NSMAF: variants seen among roughly 807,000 people sequenced by gnomAD.
NSMAF encodes protein FAN.
Under a neutral mutation model 134.9 loss-of-function variants are expected in NSMAF, and 90 were observed. The ratio of observed to expected loss-of-function variants is 0.67; its 90% confidence interval spans 0.56 to 0.79. NSMAF has a LOEUF of 0.79. Ranked by LOEUF, NSMAF falls within the 30% of genes least tolerant of loss-of-function variation. The probability of loss-of-function intolerance (pLI) is 0.00; values close to 1 mark genes in which losing one functional copy is unlikely to be tolerated. For synonymous variants in NSMAF, 358 were observed against 389.6 expected (o/e 0.92, Z 0.96); for missense variants, 1,010 against 1,119.0 (o/e 0.90, Z 1.39).
intron 1 of NSMAF, among the ~76,000 whole-genome samples, chr8:58,652,077 A>T (rs1359429101): frequency 6.6e-6 from 1 of 152,192 alleles, no homozygotes; most frequent in East Asian, 1.9e-4. Context: ...TGGATCAGAG[A>T]ACATTTGTTC....
intron 1 of NSMAF, among the ~76,000 whole-genome samples, chr8:58,658,790 C>T (rs1412574760): frequency 2.6e-5 from 4 of 152,164 alleles, no homozygotes. Flanking sequence ...GGGACAGGTC[C>T]AGCATATCTG....
At chr8:58,633,672 T>A (rs968300011) in intron 5 of NSMAF, among the ~76,000 whole-genome samples, 1 of 152,198 alleles carries the variant, frequency 6.6e-6, no homozygotes, top group Non-Finnish European at 1.5e-5. Context: ...GTTATTCATA[T>A]AAACATGCAC....
At chr8:58,642,004 G>C (rs1225601729) in intron 2 of NSMAF, among the ~76,000 whole-genome samples, 2 of 152,192 alleles carry the variant, frequency 1.3e-5, no homozygotes, top group Admixed American at 6.5e-5. Flanking sequence ...TTAGGGAAAA[G>C]AATATGAGCA....
chr8:58,651,983 C>T (rs150322945), intron 1 of NSMAF, among the ~76,000 whole-genome samples: 3 of 152,230 alleles, frequency 2.0e-5, no homozygotes, highest in Non-Finnish European at 2.9e-5. Flanking sequence ...TTCAAGGATA[C>T]CATAAAAATA....
At chr8:58,615,362 T>A (rs1186740251) in intron 9 of NSMAF, among the ~76,000 whole-genome samples, 1 of 152,204 alleles carries the variant, frequency 6.6e-6, no homozygotes, top group Admixed American at 6.5e-5. Flanking sequence ...GGAATACTAT[T>A]TTCAACAGCT....
At chr8:58,659,118 C>A in intron 1 of NSMAF, 1 of 1,256,188 alleles carries the variant, frequency 8.0e-7, no homozygotes, top group Non-Finnish European at 1.0e-6. Flanking sequence ...ACCAACTCTG[C>A]GGCGCCGGCG....
intron 11 of NSMAF, 31 bp from the exon 12 acceptor site, chr8:58,606,066 AATAGC>A: frequency 6.6e-7 from 1 of 1,507,808 alleles, no homozygotes; most frequent in Non-Finnish European, 8.9e-7. Context: ...TAATAAAATA[AATAGC>A]ATTGTATTCA....
At chr8:58,648,425 C>T (rs781297706) in intron 1 of NSMAF, among the ~76,000 whole-genome samples, 6 of 152,206 alleles carry the variant, frequency 3.9e-5, no homozygotes, top group Non-Finnish European at 5.9e-5. Context: ...GAGAGGAATT[C>T]AAGCCGGCTA....
At chr8:58,590,834 A>C (rs1806004921) in intron 24 of NSMAF, 33 bp downstream of exon 24, 1 of 1,533,586 alleles carries the variant, frequency 6.5e-7, no homozygotes, top group African/African-American at 1.4e-5. Flanking sequence ...TACTACACGG[A>C]TTTCTATCAT....
At chr8:58,607,023 G>C (rs1237462437) in intron 11 of NSMAF, among the ~76,000 whole-genome samples, 2 of 152,150 alleles carry the variant, frequency 1.3e-5, no homozygotes, top group East Asian at 1.9e-4. Context: ...TGGAGGAATG[G>C]CCTTTTAAGT....
intron 6 of NSMAF, among the ~76,000 whole-genome samples, chr8:58,624,016 C>T (rs535720533): frequency 6.7e-6 from 1 of 149,382 alleles, no homozygotes; most frequent in South Asian, 2.1e-4. Flanking sequence ...GTTCCAAACC[C>T]TTAAGGTATA....
Position 58,591,776 on chromosome 8 carries a change from T to C in NSMAF, c.1952-842A>G, listed in dbSNP as rs72647444. Among the ~76,000 whole-genome samples the C allele has an allele frequency of 5.6e-3, 854 of 152,158 alleles. 10 individuals are homozygous for C. The highest frequency in any genetic ancestry group is 9.8e-3 in the Non-Finnish European group (669 of 68,002). On this transcript the variant is annotated intron_variant, in intron 23 of 30. Coordinates refer to ENST00000038176, the MANE Select transcript of NSMAF (RefSeq NM_003580.4). ...TACTGGGATTACAGGTGTGAGTAACTGTGCCCGGCCTCAAAACAACCTCTT... is the reference window on the plus strand; with the variant it reads ...TACTGGGATTACAGGTGTGAGTAACCGTGCCCGGCCTCAAAACAACCTCTT...
rs139596316 is a variant in NSMAF at position 58,637,102 on chromosome 8, C to T, written c.150-1556G>A. On this transcript the variant is annotated intron_variant, in intron 2 of 30. Coordinates refer to ENST00000038176, the MANE Select transcript of NSMAF (RefSeq NM_003580.4). ...CTCATGAATTTTAACATTTATGAAA[C>T]ATTTCAATCCATTGCAGAAGTTATT... 973 of 295,876 alleles carry T rather than the reference C, an allele frequency of 3.3e-3. 7 individuals are homozygous for T. Among genetic ancestry groups the T allele is most frequent in the African/African-American group, 0.02 (906 of 46,164 alleles). 18.3% of individuals were successfully genotyped at this position (295,876 alleles called of 1,614,324 possible). A position where few individuals can be genotyped will look rare whatever the true frequency, so the allele number is the denominator to read the frequency against.
At chr8:58,618,547 G>C (rs185191059) in intron 9 of NSMAF, among the ~76,000 whole-genome samples, 71 of 151,688 alleles carry the variant, frequency 4.7e-4, no homozygotes, top group Non-Finnish European at 6.9e-4. Flanking sequence ...AGTTTCAGAT[G>C]GTTCAGAAAA....
At position 58,635,307 on chromosome 8, in the gene NSMAF, T is replaced by A. The variant is rs139863054; in HGVS notation, c.294A>T (p.Thr98=). 6.2e-7 allele frequency: 1 copy of A among 1,611,158 alleles called. No individual in the cohort carries two copies. The highest frequency in any genetic ancestry group is 2.2e-5 in the East Asian group (1 of 44,770). ...HGENGANRHF[T]KAKSGGISLI... is the part of the protein sequence containing the mutation. ...AAACAGTGGTGAAAATGACATACTTTGTGAAGTGTCTATTGGCTCCATTTT... is the reference window on the plus strand; with the variant it reads ...AAACAGTGGTGAAAATGACATACTTAGTGAAGTGTCTATTGGCTCCATTTT... Residue 98 remains threonine (T), a splice_region_variant and synonymous_variant, in exon 4 of 31, where the codon ACA becomes ACT. Transcript: ENST00000038176.
At chr8:58,617,262 T>C (rs1806679424) in intron 9 of NSMAF, among the ~76,000 whole-genome samples, 1 of 152,170 alleles carries the variant, frequency 6.6e-6, no homozygotes, top group African/African-American at 2.4e-5. Flanking sequence ...AAGGACTTCA[T>C]GACTAAAACA....
rs1805958179 is a variant in NSMAF, at chr8:58,588,956, T to C, written c.2211+496A>G. ...CAGAAATCATGATAAACTTATTATATTAAGAAGTGGCTATAATTCCCACTA... is the reference window on the plus strand; with the variant it reads ...CAGAAATCATGATAAACTTATTATACTAAGAAGTGGCTATAATTCCCACTA... On this transcript the variant is annotated intron_variant, in intron 26 of 30. Transcript: ENST00000038176. Among the ~76,000 whole-genome samples, 6 of 152,000 alleles carry C rather than the reference T, an allele frequency of 3.9e-5. No individual in the cohort carries two copies. The South Asian group carries it at 1.2e-3, about 31-fold the overall frequency.
intron 12 of NSMAF, 73 bp from the exon 13 acceptor site, chr8:58,603,459 G>A (rs1057030285): frequency 1.9e-5 from 27 of 1,392,762 alleles, no homozygotes; most frequent in African/African-American, 8.5e-5. Flanking sequence ...GGGGCTTAAC[G>A]TGTAGACCAT....
At position 58,659,744 on chromosome 8, in the gene NSMAF, G is replaced by A; in HGVS notation, c.-113C>T. On this transcript the variant is annotated 5_prime_UTR_variant, in exon 1 of 31. Coordinates refer to ENST00000038176, the MANE Select transcript of NSMAF (RefSeq NM_003580.4). Reference sequence around the variant, plus strand: ...ATTGGTGGCCGGCTGGGGAGCGCGCGGCTGCCGGCCTGGCTTCCCCTGCGG... The same window carrying A: ...ATTGGTGGCCGGCTGGGGAGCGCGCAGCTGCCGGCCTGGCTTCCCCTGCGG... The A allele has an allele frequency of 1.2e-6, 1 of 847,356 alleles. No homozygotes were observed. Among genetic ancestry groups the A allele is most frequent in the Non-Finnish European group, 1.6e-6 (1 of 640,764 alleles). The allele number at this position is 847,356 out of a possible 1,614,324, so 52.5% of individuals were successfully genotyped here.
Sources: allele counts gnomAD v4.1 joint callset (sites outside exome capture counted in the v4.1 genomes callset), GRCh38; gene constraint gnomAD v4.1.1; transcripts MANE v1.5; gene names NCBI Gene and HGNC (gene_info 2026-07-23, HGNC 2026-07-21).